GLB1: variants seen among roughly 807,000 people sequenced by gnomAD.
The protein encoded by GLB1 is beta-galactosidase.
GLB1 carries 56 observed loss-of-function variants against 74.0 expected under a neutral mutation model. The observed-to-expected ratio is 0.76, with a 90% CI of 0.61 to 0.94. The LOEUF is 0.94. Ranked by LOEUF, GLB1 falls within the 40% of genes least tolerant of loss-of-function variation. The probability of loss-of-function intolerance (pLI) is 0.00; values close to 1 mark genes in which losing one functional copy is unlikely to be tolerated. For synonymous variants in GLB1, 323 were observed against 323.6 expected (o/e 1.00, Z 0.02); for missense variants, 787 against 845.5 (o/e 0.93, Z 0.86).
intron 1 of GLB1, among the ~76,000 whole-genome samples, chr3:33,074,261 G>T (rs1700001323): frequency 6.7e-6 from 1 of 149,418 alleles, no homozygotes; most frequent in South Asian, 2.2e-4. Context: ...GGTGAGCCGA[G>T]ATCATGCCAC....
At chr3:33,074,258 C>T (rs1045049623) in intron 1 of GLB1, among the ~76,000 whole-genome samples, 4 of 147,486 alleles carry the variant, frequency 2.7e-5, no homozygotes, top group East Asian at 2.0e-4. Flanking sequence ...TGCGGTGAGC[C>T]GAGATCATGC....
Position 33,018,545 on chromosome 3 carries a change from A to C in GLB1, c.1250T>G (p.Leu417Arg). The C allele has an allele frequency of 6.2e-7, 1 of 1,614,160 alleles. No individual in the cohort carries two copies. The highest frequency in any genetic ancestry group is 8.5e-7 in the Non-Finnish European group (1 of 1,180,030). Residue 417 changes from leucine to arginine, a missense_variant, in exon 13 of 16, where the codon CTG becomes CGG. Physicochemically the swap from Leu to Arg is moderately radical, Grantham distance 102 (BLOSUM62 -2). Transcript: ENST00000307363. ...IQVKQHYGFV[L>R]YRTTLPQDCS... is the part of the protein sequence containing the mutation. ...ATCTTGAGGAAGTGTTGTCCGGTAC[A>C]GCACAAACCCATAATGCTGGTTAGA...
chr3:33,076,046 A>G (rs1435716182), intron 1 of GLB1, among the ~76,000 whole-genome samples: 1 of 118,758 alleles, frequency 8.4e-6, no homozygotes, highest in African/African-American at 7.0e-5. Context: ...CTCTGTCTCA[A>G]AAAAAAAAAA....
At chr3:33,011,018 G>A (rs1696998719) in intron 15 of GLB1, among the ~76,000 whole-genome samples, 1 of 151,970 alleles carries the variant, frequency 6.6e-6, no homozygotes, top group Admixed American at 6.6e-5. Flanking sequence ...CACCACGCCT[G>A]GCTAATTTTT....
intron 5 of GLB1, among the ~76,000 whole-genome samples, chr3:33,062,991 C>T (rs1025789146): frequency 3.9e-5 from 6 of 152,156 alleles, no homozygotes; most frequent in Non-Finnish European, 5.9e-5. Context: ...AGGGATGAAA[C>T]TGCTCCCACA....
chr3:33,072,661 T>C lies in GLB1; in HGVS notation c.128A>G (p.Lys43Arg), dbSNP rs1699927435. ...GATGTAGCGAAATGGCTGGCCATCC[T>C]TGAGGAAGGAGTCCCGGCTATAGTC... ...EIDYSRDSFL[K>R]DGQPFRYISG... The change falls in exon 2 of 16, where the codon AAG (lysine) becomes AGG (arginine). Residue 43 changes from lysine (K) to arginine (R), a missense_variant. Lys to Arg is a conservative substitution (Grantham distance 26). Transcript: ENST00000307363. 1 of 1,614,156 alleles carries C rather than the reference T, an allele frequency of 6.2e-7. No individual in the cohort carries two copies. The highest frequency in any genetic ancestry group is 8.5e-7 in the Non-Finnish European group (1 of 1,180,026).
intron 15 of GLB1, among the ~76,000 whole-genome samples, chr3:33,004,347 A>G (rs1202812853): frequency 2.6e-5 from 4 of 152,184 alleles, no homozygotes; most frequent in African/African-American, 9.7e-5. Context: ...TGGTCTGCCA[A>G]TACTCAAAAT....
intron 14 of GLB1, 45 bp downstream of exon 14, chr3:33,016,664 T>G: frequency 6.2e-7 from 1 of 1,610,826 alleles, no homozygotes; most frequent in Non-Finnish European, 8.5e-7. Context: ...AACTTCTAAG[T>G]TGTCACCCCT....
chr3:33,037,848 T>G (rs1391941481), intron 10 of GLB1: 3 of 151,936 alleles, frequency 2.0e-5, no homozygotes, highest in African/African-American at 7.3e-5. Context: ...GTAATAAAAA[T>G]AACTGCTATG....
At chr3:32,981,399 C>CAAA in the GLB1 span, among the ~76,000 whole-genome samples, 95 of 90,408 alleles carry the variant, frequency 1.1e-3, no homozygotes, top group African/African-American at 4.5e-3. Context: ...GACTCCATCT[C>CAAA]AAAAAAAAAA....
chr3:33,044,134 A>T (rs1339439914), intron 10 of GLB1, among the ~76,000 whole-genome samples: 1 of 152,184 alleles, frequency 6.6e-6, no homozygotes, highest in Non-Finnish European at 1.5e-5. Context: ...TGTAAAATAT[A>T]CTTTCTTTTT....
Position 33,074,385 on chromosome 3 carries a change from G to GA in GLB1, c.76-1673dup, listed in dbSNP as rs1338351259. Reference sequence around the variant, plus strand: ...GGAAGGAAGGAAGGAAGGAAGGAAGGAAGGAAGAAAGAAAGAAAGAAAGAA... The same window carrying GA: ...GGAAGGAAGGAAGGAAGGAAGGAAGGAAAGGAAGAAAGAAAGAAAGAAAGAA... On this transcript the variant is annotated intron_variant, in intron 1 of 15. Transcript: ENST00000307363. Among the ~76,000 whole-genome samples the GA allele has an allele frequency of 1.4e-3, 28 of 19,862 alleles. 2 individuals are homozygous for GA. The highest frequency in any genetic ancestry group is 3.3e-3 in the South Asian group (1 of 304). The allele number at this position is 19,862 out of a possible 152,430, so 13.0% of individuals were successfully genotyped here. A position where few individuals can be genotyped will look rare whatever the true frequency, so the allele number is the denominator to read the frequency against.
intron 11 of GLB1, among the ~76,000 whole-genome samples, chr3:33,022,564 A>ATTTTTTTTGTTTTTTTTTTTTTTTTTT (rs1697540476): frequency 3.1e-5 from 2 of 63,746 alleles, no homozygotes; most frequent in African/African-American, 5.1e-5. Flanking sequence ...ACTGGTTAGG[A>ATTTTTTTTGTTTTTTTTTTTTTTTTTT]TTTTTTTTTT....
At chr3:33,029,509 C>T (rs1697919075) in intron 10 of GLB1, among the ~76,000 whole-genome samples, 1 of 152,046 alleles carries the variant, frequency 6.6e-6, no homozygotes, top group East Asian at 1.9e-4. Context: ...TAATACACCA[C>T]AAAAAGTAGT....
At chr3:33,009,860 C>A (rs1259521501) in intron 15 of GLB1, among the ~76,000 whole-genome samples, 1 of 152,200 alleles carries the variant, frequency 6.6e-6, no homozygotes, top group Non-Finnish European at 1.5e-5. Flanking sequence ...TGGAGTCATA[C>A]AATACATAGC....
chr3:33,087,505 G>C (rs1462496616), intron 1 of GLB1, among the ~76,000 whole-genome samples: 1 of 151,942 alleles, frequency 6.6e-6, no homozygotes, highest in South Asian at 2.1e-4. Flanking sequence ...GGGAGGTGGA[G>C]GTTGCAGTGA....
At chr3:32,981,558 G>A in the GLB1 span, among the ~76,000 whole-genome samples, 13 of 152,004 alleles carry the variant, frequency 8.6e-5, no homozygotes, top group Non-Finnish European at 1.8e-4. Flanking sequence ...TAGATCACTT[G>A]AGACCAGGAA....
chr3:33,034,052 G>C (rs1698169309), intron 10 of GLB1: 1 of 550,570 alleles, frequency 1.8e-6, no homozygotes, highest in Admixed American at 2.1e-5. Flanking sequence ...GTGGCAAGTG[G>C]CCTGGGCTCA....
the GLB1 span, among the ~76,000 whole-genome samples, chr3:32,966,620 G>A: frequency 1.3e-5 from 2 of 152,170 alleles, no homozygotes; most frequent in South Asian, 4.1e-4. Flanking sequence ...GATTGGCTTT[G>A]AAATGGAAGG....
Sources: gnomAD v4.1 joint callset for allele counts (sites outside exome capture counted in the v4.1 genomes callset) on GRCh38, gnomAD v4.1.1 for gene constraint, MANE v1.5 for transcripts, NCBI Gene and HGNC (gene_info 2026-07-23, HGNC 2026-07-21) for gene names.